Variants in SNTG2 observed in about 807,000 individuals in gnomAD.
SNTG2 encodes syntrophin gamma 2.
SNTG2 carries 74 observed loss-of-function variants against 70.9 expected under a neutral mutation model. The ratio of observed to expected loss-of-function variants is 1.04; its 90% CI spans 0.86 to 1.27. SNTG2 has a LOEUF of 1.27. SNTG2 is among the 50% of genes most tolerant of loss of function. The pLI is 0.00. For synonymous variants in SNTG2, 278 were observed against 273.8 expected (o/e 1.02, Z -0.15); for missense variants, 717 against 690.7 (o/e 1.04, Z -0.43).
chr2:1,130,804 G>A (rs6548196), intron 4 of SNTG2, among the ~76,000 whole-genome samples: 72,145 of 151,902 alleles, frequency 0.47, 18,146 homozygotes, highest in East Asian at 0.66. Flanking sequence ...GTGATGAGTC[G>A]GTCATCACTG....
At chr2:1,063,498 A>G (rs1314563673) in intron 1 of SNTG2, among the ~76,000 whole-genome samples, 1 of 152,180 alleles carries the variant, frequency 6.6e-6, no homozygotes, top group Non-Finnish European at 1.5e-5. Flanking sequence ...TTTCAGCAGG[A>G]TGGTAAAATG....
chr2:1,217,925 C>T (rs1482158413), intron 9 of SNTG2, among the ~76,000 whole-genome samples: 1 of 152,000 alleles, frequency 6.6e-6, no homozygotes, highest in African/African-American at 2.4e-5. Context: ...TCCGGCAGCT[C>T]CCGGCTGGTC....
intron 1 of SNTG2, among the ~76,000 whole-genome samples, chr2:990,063 G>A (rs1445581178): frequency 1.3e-5 from 2 of 150,744 alleles, no homozygotes; most frequent in East Asian, 1.9e-4. Context: ...TGACTCACAC[G>A]CAGCTTTATG....
chr2:984,920 T>C (rs1382090994), intron 1 of SNTG2, among the ~76,000 whole-genome samples: 2 of 152,148 alleles, frequency 1.3e-5, no homozygotes, highest in African/African-American at 2.4e-5. Context: ...AGGATTGACA[T>C]GAACCTATTT....
At chr2:1,212,023 G>T (rs190011222) in intron 9 of SNTG2, among the ~76,000 whole-genome samples, 16 of 145,414 alleles carry the variant, frequency 1.1e-4, no homozygotes, top group African/African-American at 4.2e-4. Flanking sequence ...TCAGCCGACT[G>T]CCTGAGCCTC....
At chr2:1,036,590 C>G (rs1661143317) in intron 1 of SNTG2, among the ~76,000 whole-genome samples, 1 of 152,120 alleles carries the variant, frequency 6.6e-6, no homozygotes, top group South Asian at 2.1e-4. Flanking sequence ...TTATTTTACC[C>G]ATATTCCTTT....
chr2:1,274,531 C>T (rs1230007496), intron 14 of SNTG2, among the ~76,000 whole-genome samples: 5 of 152,172 alleles, frequency 3.3e-5, no homozygotes, highest in African/African-American at 9.7e-5. Flanking sequence ...TTTTCTTTCA[C>T]GGATTGTGTT....
At chr2:1,033,275 G>A (rs1289802919) in intron 1 of SNTG2, among the ~76,000 whole-genome samples, 1 of 152,172 alleles carries the variant, frequency 6.6e-6, no homozygotes. Context: ...AGATGCCCTG[G>A]GAGGGTGTTG....
chr2:1,149,392 A>T lies in SNTG2; in HGVS notation c.411+11583A>T, dbSNP rs185597499. ...GCCAAGGATTGTGAATAGGATTAGA[A>T]AAAAGGACAGTTGTGAATACACACA... On this transcript the variant is annotated intron_variant, in intron 6 of 16. Coordinates refer to ENST00000308624, the MANE Select transcript of SNTG2 (RefSeq NM_018968.4). Among the ~76,000 whole-genome samples the T allele has an allele frequency of 3.9e-3, 592 of 152,314 alleles. 3 individuals are homozygous for T. The highest frequency in any genetic ancestry group is 7.3e-3 in the Non-Finnish European group (494 of 68,030).
intron 16 of SNTG2, among the ~76,000 whole-genome samples, chr2:1,319,749 GT>G: frequency 6.6e-6 from 1 of 152,316 alleles, no homozygotes; most frequent in East Asian, 1.9e-4. Flanking sequence ...TAGTGCATGG[GT>G]GATGGGTGAC....
chr2:987,354 C>T (rs556585140), intron 1 of SNTG2, among the ~76,000 whole-genome samples: 1 of 152,242 alleles, frequency 6.6e-6, no homozygotes, highest in African/African-American at 2.4e-5. Flanking sequence ...GAACTGTGAA[C>T]ACTGGACCTT....
intron 1 of SNTG2, among the ~76,000 whole-genome samples, chr2:1,074,698 T>A (rs4246569): frequency 6.6e-6 from 1 of 152,238 alleles, no homozygotes; most frequent in South Asian, 2.1e-4. Flanking sequence ...TTATAACTTT[T>A]TCTGGAAATG....
intron 9 of SNTG2, among the ~76,000 whole-genome samples, chr2:1,213,865 C>T (rs528817165): frequency 6.6e-6 from 1 of 152,146 alleles, no homozygotes; most frequent in African/African-American, 2.4e-5. Flanking sequence ...CCTATGTTTT[C>T]TTTTAGTAGT....
intron 8 of SNTG2, among the ~76,000 whole-genome samples, chr2:1,197,311 C>T (rs889309823): frequency 6.6e-6 from 1 of 151,242 alleles, no homozygotes; most frequent in Admixed American, 6.6e-5. Context: ...CAAAAATGAA[C>T]AGAAGCAACT....
intron 1 of SNTG2, among the ~76,000 whole-genome samples, chr2:1,000,667 C>T (rs1010345935): frequency 6.6e-6 from 1 of 151,584 alleles, no homozygotes; most frequent in Non-Finnish European, 1.5e-5. Flanking sequence ...GACAGTTTCA[C>T]AGATAAATTA....
intron 16 of SNTG2, among the ~76,000 whole-genome samples, chr2:1,363,393 A>G (rs1425801631): frequency 6.6e-6 from 1 of 152,144 alleles, no homozygotes. Context: ...CTTATAGCAC[A>G]TATGTCCCAG....
At chr2:1,281,766 G>A (rs1679557889) in intron 14 of SNTG2, among the ~76,000 whole-genome samples, 1 of 152,062 alleles carries the variant, frequency 6.6e-6, no homozygotes, top group Admixed American at 6.5e-5. Context: ...CACTGGAAAT[G>A]GTGATTTAGT....
At position 1,316,325 on chromosome 2, in the gene SNTG2, C is replaced by T. The variant is rs1190267356; in HGVS notation, c.1438C>T (p.Arg480Ter). ...LKGSSDDGKTRVKLLFQNLDT... is the reference protein window; with the variant it reads ...LKGSSDDGKT The stretch of plus-strand genomic sequence containing the variant: ...GGGATCTTCAGATGATGGGAAAACT[C>T]GAGTAAAGCTGCTGTTTCAGAATCT... The change falls in exon 16 of 17, where the codon CGA becomes TGA. Residue 480 changes from arginine to a stop codon, truncating the protein, a stop_gained. Coordinates refer to ENST00000308624, the MANE Select transcript of SNTG2 (RefSeq NM_018968.4). LOFTEE classifies it low-confidence loss of function (END_TRUNC). The T allele has an allele frequency of 9.0e-6, 14 of 1,550,380 alleles. No individual in the cohort carries two copies. Among genetic ancestry groups the T allele is most frequent in the African/African-American group, 4.1e-5 (3 of 72,998 alleles).
At chr2:1,160,377 G>A (rs1218095385) in intron 6 of SNTG2, 1 of 152,106 alleles carries the variant, frequency 6.6e-6, no homozygotes, top group Non-Finnish European at 1.5e-5. Context: ...TGCATATGTT[G>A]TATTATTTCA....
Sources: gnomAD v4.1 joint callset for allele counts (sites outside exome capture counted in the v4.1 genomes callset) on GRCh38, gnomAD v4.1.1 for gene constraint, MANE v1.5 for transcripts, NCBI Gene and HGNC (gene_info 2026-07-23, HGNC 2026-07-21) for gene names.